CNKSR3: variants seen among roughly 807,000 people sequenced by gnomAD.
CNKSR3 encodes the protein CNKSR family member 3, also known as connector enhancer of kinase suppressor of ras 3.
CNKSR3 carries 36 observed loss-of-function variants against 67.7 expected under a neutral mutation model. The ratio of observed to expected loss-of-function variants is 0.53; its 90% CI spans 0.41 to 0.70. The LOEUF (loss-of-function observed/expected upper bound fraction) is 0.70, where lower values mean the gene tolerates loss of function less well. Ranked by LOEUF, CNKSR3 falls within the 30% of genes least tolerant of loss-of-function variation. The pLI is 0.00. For missense variants in CNKSR3, 630 were observed against 695.2 expected (o/e 0.91, Z 1.05); for synonymous variants, 281 against 271.4 (o/e 1.04, Z -0.35).
chr6:154,406,633 C>T lies in CNKSR3; in HGVS notation c.1389G>A (p.Arg463=). 6.2e-7 allele frequency: 1 copy of T among 1,612,792 alleles called. No individual in the cohort carries two copies. The highest frequency in any genetic ancestry group is 8.5e-7 in the Non-Finnish European group (1 of 1,179,008). ...HGRKGEDALC[R]YFSNERIPPI... is the part of the protein sequence containing the mutation. ...GAGGAATCCGCTCGTTACTGAAATA[C>T]CGGCAAAGGGCATCCTCCCCTGTTT... The change falls in exon 13 of 13, where the codon CGG becomes CGA. Residue 463 remains arginine (R), a synonymous_variant. Transcript: ENST00000607772.
chr6:154,482,311 C>T (rs1051201458), intron 1 of CNKSR3, among the ~76,000 whole-genome samples: 4 of 152,268 alleles, frequency 2.6e-5, no homozygotes, highest in Non-Finnish European at 5.9e-5. Flanking sequence ...GGCAGGAGAT[C>T]AGTTCTCCCT....
chr6:154,441,469 C>A, intron 3 of CNKSR3, 90 bp from the exon 4 acceptor site: 1 of 906,454 alleles, frequency 1.1e-6, no homozygotes, highest in South Asian at 1.4e-5. Flanking sequence ...ACCCCATGGG[C>A]TACTCTAAAT....
intron 1 of CNKSR3, among the ~76,000 whole-genome samples, chr6:154,462,004 G>A (rs1206873468): frequency 6.6e-6 from 1 of 152,242 alleles, no homozygotes; most frequent in Non-Finnish European, 1.5e-5. Flanking sequence ...GCTGGGGACA[G>A]CCGCCTGGGA....
At chr6:154,423,103 AAAACAATGCAC>A in intron 7 of CNKSR3, 120 bp from the exon 8 acceptor site, 2 of 665,654 alleles carry the variant, frequency 3.0e-6, no homozygotes, top group South Asian at 4.3e-5. Flanking sequence ...CAGGAAAAAT[AAAACAATGCAC>A]TTTATTCCCC....
chr6:154,410,414 G>A lies in CNKSR3; in HGVS notation c.1298C>T (p.Ser433Phe), dbSNP rs374933467. 1.7e-5 allele frequency: 28 copies of A among 1,613,858 alleles called. No individual in the cohort carries two copies. The highest frequency in any genetic ancestry group is 2.1e-5 in the Non-Finnish European group (25 of 1,179,864). The change falls in exon 12 of 13, where the codon TCC becomes TTC. Residue 433 changes from serine (S) to phenylalanine (F), a missense_variant. Ser to Phe is a radical substitution (Grantham distance 155). This residue lies in a region of CNKSR3 where 308 missense variants were observed against 299.6 expected (regional missense o/e 1.03). Coordinates refer to ENST00000607772, the MANE Select transcript of CNKSR3 (RefSeq NM_173515.4). ...TPSYGKPRPL[S>F]MPADGNWMGI... ...CATCCAGTTCCCATCAGCAGGCATG[G>A]ACAAAGGCCGTGGCTTGCCTTCAGA...
intron 5 of CNKSR3, among the ~76,000 whole-genome samples, chr6:154,430,842 G>A (rs1029184834): frequency 2.6e-5 from 4 of 152,086 alleles, no homozygotes; most frequent in East Asian, 1.9e-4. Context: ...GAAGAGCACA[G>A]GCCAGGCAGA....
chr6:154,410,004 G>A (rs1462162693), intron 12 of CNKSR3, among the ~76,000 whole-genome samples: 8 of 152,186 alleles, frequency 5.3e-5, no homozygotes, highest in South Asian at 2.1e-4. Context: ...GTATGATCAC[G>A]CCACTGCACT....
intron 1 of CNKSR3, among the ~76,000 whole-genome samples, chr6:154,465,786 C>G (rs543755286): frequency 1.3e-5 from 2 of 152,124 alleles, no homozygotes; most frequent in African/African-American, 4.8e-5. Context: ...ATGGGTCAGA[C>G]GAGAAAATAC....
intron 2 of CNKSR3, among the ~76,000 whole-genome samples, chr6:154,447,178 C>T (rs1276465749): frequency 2.0e-5 from 3 of 152,130 alleles, no homozygotes; most frequent in South Asian, 2.1e-4. Context: ...CACACCCTCT[C>T]GACCAGTACT....
intron 1 of CNKSR3, among the ~76,000 whole-genome samples, chr6:154,486,464 T>A: frequency 6.8e-6 from 1 of 146,468 alleles, no homozygotes; most frequent in Non-Finnish European, 1.5e-5. Context: ...GCCCAGCTAA[T>A]TTTTATTTTA....
At position 154,429,072 on chromosome 6, in the gene CNKSR3, A is replaced by G. The variant is rs540944349; in HGVS notation, c.670-885T>C. Among the ~76,000 whole-genome samples the G allele has an allele frequency of 5.3e-5, 8 of 152,340 alleles. No individual in the cohort carries two copies. In the South Asian group the frequency reaches 1.7e-3, roughly 32 times the overall value. ...GCCTGAGAGGTAAACTCAGAGGCCA[A>G]TGCCTCACTGAGTGATACACCGAAT... On this transcript the variant is annotated intron_variant, in intron 6 of 12. Coordinates refer to ENST00000607772, the MANE Select transcript of CNKSR3 (RefSeq NM_173515.4).
intron 9 of CNKSR3, among the ~76,000 whole-genome samples, chr6:154,416,373 GC>G (rs1785024398): frequency 6.6e-6 from 1 of 152,108 alleles, no homozygotes. Flanking sequence ...TTAAACCGTG[GC>G]CATTAATGCA....
chr6:154,414,221 A>T, intron 10 of CNKSR3, 78 bp downstream of exon 10: 1 of 1,458,344 alleles, frequency 6.9e-7, no homozygotes, highest in Admixed American at 2.5e-5. Context: ...TCCTCTCTCA[A>T]GATCCTCTTT....
chr6:154,447,083 CGT>C (rs1243683805), intron 2 of CNKSR3, among the ~76,000 whole-genome samples: 1 of 152,138 alleles, frequency 6.6e-6, no homozygotes, highest in Non-Finnish European at 1.5e-5. Context: ...AGATTACAGG[CGT>C]GATGGGATTA....
At position 154,441,260 on chromosome 6, in the gene CNKSR3, A is replaced by ACG; in HGVS notation, c.507+31_507+32insCG. ...GGAAAAGCAAAAAAAAAAAAAAAAAAAAAAAGAAAGTGAAAATGACATACT... is the reference window on the plus strand; with the variant it reads ...GGAAAAGCAAAAAAAAAAAAAAAAAACGAAAAAGAAAGTGAAAATGACATACT... On this transcript the variant is annotated intron_variant, in intron 4 of 12. Coordinates refer to ENST00000607772, the MANE Select transcript of CNKSR3 (RefSeq NM_173515.4). The ACG allele has an allele frequency of 2.4e-6, 3 of 1,259,120 alleles. No individual in the cohort carries two copies. In the South Asian group the frequency reaches 4.1e-5, roughly 17 times the overall value. 78.0% of individuals were successfully genotyped at this position (1,259,120 alleles called of 1,614,324 possible).
In CNKSR3 at chr6:154,405,890, TA is replaced by T. The variant is rs1247287157; in HGVS notation, c.*463del. On this transcript the variant is annotated 3_prime_UTR_variant, in exon 13 of 13. Transcript: ENST00000607772. ...GCTGCTACACTTAAAATATGGTAGA[TA>T]GTTTAGAAAAATCAAATCAAAAATG... 1.6e-5 allele frequency: 1 copy of T among 61,824 alleles called. No homozygotes were observed. Among genetic ancestry groups the T allele is most frequent in the African/African-American group, 5.3e-5 (1 of 18,712 alleles). 3.8% of individuals were successfully genotyped at this position (61,824 alleles called of 1,614,324 possible).
chr6:154,444,537 G>T (rs1785666631), intron 2 of CNKSR3, among the ~76,000 whole-genome samples: 1 of 151,852 alleles, frequency 6.6e-6, no homozygotes. Context: ...AGTGATCCTG[G>T]ATCCAGCACA....
intron 1 of CNKSR3, among the ~76,000 whole-genome samples, chr6:154,460,485 G>C (rs865917639): frequency 6.6e-6 from 1 of 152,164 alleles, no homozygotes; most frequent in African/African-American, 2.4e-5. Context: ...CAACTGTGGG[G>C]ATGAACACAA....
At chr6:154,473,570 T>C (rs9479874) in intron 1 of CNKSR3, among the ~76,000 whole-genome samples, 6,433 of 152,164 alleles carry the variant, frequency 0.042, 202 homozygotes, top group African/African-American at 0.086. Flanking sequence ...AATGAGGACG[T>C]TGTACAGTGA....
Sources: allele counts gnomAD v4.1 joint callset (sites outside exome capture counted in the v4.1 genomes callset), GRCh38; gene constraint gnomAD v4.1.1; regional missense constraint gnomAD v4.1.1; transcripts MANE v1.5; gene names NCBI Gene and HGNC (gene_info 2026-07-23, HGNC 2026-07-21).